IRGM: variants seen among roughly 807,000 people sequenced by gnomAD.
IRGM encodes the protein immunity-related GTPase family M protein.
For synonymous variants in IRGM, 98 were observed against 80.6 expected (o/e 1.22, Z -1.16); for missense variants, 288 against 219.9 (o/e 1.31, Z -1.96).
downstream of IRGM, among the ~76,000 whole-genome samples, chr5:150,850,036 G>T (rs866441523): frequency 6.6e-6 from 1 of 152,130 alleles, no homozygotes; most frequent in Admixed American, 6.5e-5. Context: ...TCAGAGAGAT[G>T]CCTGTATAGA....
At chr5:150,867,447 G>T (rs561596391) in intron 1 of IRGM, among the ~76,000 whole-genome samples, 1 of 152,198 alleles carries the variant, frequency 6.6e-6, no homozygotes, top group East Asian at 1.9e-4. Context: ...ACATGCATCT[G>T]CAAGTGTCTT....
At chr5:150,898,122 T>A in intron 3 of IRGM, 3 of 1,613,700 alleles carry the variant, frequency 1.9e-6, no homozygotes, top group Non-Finnish European at 2.5e-6. Flanking sequence ...TCTCCCTTTA[T>A]GATCCATGGC....
chr5:150,849,933 AGATAAG>A (rs1264074800), downstream of IRGM, among the ~76,000 whole-genome samples: 1 of 152,168 alleles, frequency 6.6e-6, no homozygotes, highest in Non-Finnish European at 1.5e-5. Flanking sequence ...GTGACATGCT[AGATAAG>A]GATACAGAAA....
At chr5:150,895,763 G>T (rs1754742168) in intron 3 of IRGM, 4 of 1,613,424 alleles carry the variant, frequency 2.5e-6, no homozygotes, top group African/African-American at 1.3e-5. Flanking sequence ...TACATTTATA[G>T]GGTTTTTCTC....
chr5:150,887,628 C>A, intron 3 of IRGM, among the ~76,000 whole-genome samples: 1 of 144,746 alleles, frequency 6.9e-6, no homozygotes, highest in Non-Finnish European at 1.5e-5. Context: ...CACCAAGACC[C>A]ATAATTGTCA....
At chr5:150,885,312 C>G (rs182399092) in intron 3 of IRGM, among the ~76,000 whole-genome samples, 1 of 151,568 alleles carries the variant, frequency 6.6e-6, no homozygotes, top group Admixed American at 6.6e-5. Context: ...ATTTTGGTTA[C>G]TGCAGCACTG....
intron 3 of IRGM, among the ~76,000 whole-genome samples, chr5:150,894,092 G>C (rs1754667605): frequency 1.3e-5 from 2 of 152,028 alleles, no homozygotes; most frequent in Admixed American, 6.6e-5. Context: ...AAGCAGGAAG[G>C]GGATCAAGTG....
At chr5:150,860,394 A>G (rs183105595) in intron 1 of IRGM, among the ~76,000 whole-genome samples, 2 of 152,340 alleles carry the variant, frequency 1.3e-5, no homozygotes, top group Non-Finnish European at 2.9e-5. Flanking sequence ...TTCTCTTTCT[A>G]AACCTGTGGG....
intron 1 of IRGM, among the ~76,000 whole-genome samples, chr5:150,876,092 C>G (rs1754358473): frequency 6.6e-6 from 1 of 152,230 alleles, no homozygotes; most frequent in South Asian, 2.1e-4. Context: ...ATGGAATTCA[C>G]TGGTCTTACC....
intron 1 of IRGM, among the ~76,000 whole-genome samples, chr5:150,869,859 A>G (rs1754258351): frequency 1.3e-5 from 2 of 152,190 alleles, no homozygotes; most frequent in African/African-American, 4.8e-5. Context: ...GTATAGTTGT[A>G]AGAGGATCAG....
At chr5:150,883,235 C>T (rs933798431) in intron 3 of IRGM, among the ~76,000 whole-genome samples, 1 of 151,828 alleles carries the variant, frequency 6.6e-6, no homozygotes, top group Non-Finnish European at 1.5e-5. Flanking sequence ...CTAAATAATA[C>T]TCTATTGCGC....
At chr5:150,890,488 C>A (rs1031591156) in intron 3 of IRGM, among the ~76,000 whole-genome samples, 1 of 151,814 alleles carries the variant, frequency 6.6e-6, no homozygotes, top group African/African-American at 2.4e-5. Context: ...TGCTTTGAAC[C>A]AATCATTCTG....
intron 3 of IRGM, among the ~76,000 whole-genome samples, chr5:150,886,788 T>C (rs1754531322): frequency 6.6e-6 from 1 of 152,008 alleles, no homozygotes; most frequent in South Asian, 2.1e-4. Context: ...TGATGTTTCC[T>C]CTTTTTTTCT....
At chr5:150,873,367 A>C (rs1442051426) in intron 1 of IRGM, among the ~76,000 whole-genome samples, 1 of 152,170 alleles carries the variant, frequency 6.6e-6, no homozygotes, top group Non-Finnish European at 1.5e-5. Context: ...AATGAAGAGG[A>C]GGCCAGGTCC....
chr5:150,873,929 A>G (rs1391658274), intron 1 of IRGM, among the ~76,000 whole-genome samples: 1 of 152,240 alleles, frequency 6.6e-6, no homozygotes, highest in Non-Finnish European at 1.5e-5. Context: ...ACTACATCCC[A>G]GTTCAACTCT....
intron 3 of IRGM, among the ~76,000 whole-genome samples, chr5:150,889,902 T>A (rs1334263845): frequency 2.0e-5 from 3 of 152,134 alleles, no homozygotes; most frequent in Non-Finnish European, 2.9e-5. Flanking sequence ...TGATGTATTA[T>A]CCTTTTTATA....
At chr5:150,849,350 A>G (rs1753938571), downstream of IRGM, among the ~76,000 whole-genome samples, 1 of 107,562 alleles carries the variant, frequency 9.3e-6, no homozygotes, top group South Asian at 3.3e-4. Context: ...AATATCTTTA[A>G]CTAACGAAGG....
At chr5:150,895,526 A>T in intron 3 of IRGM, 1 of 1,613,600 alleles carries the variant, frequency 6.2e-7, no homozygotes, top group Non-Finnish European at 8.5e-7. Context: ...TTTCCCCAGT[A>T]TGAATCCTCT....
intron 3 of IRGM, chr5:150,896,925 A>G: frequency 6.2e-7 from 1 of 1,613,294 alleles, no homozygotes; most frequent in Non-Finnish European, 8.5e-7. Flanking sequence ...ATGGAAGGAA[A>G]CTGTCCCCAA....
Sources: allele counts gnomAD v4.1 joint callset (sites outside exome capture counted in the v4.1 genomes callset), GRCh38; gene constraint gnomAD v4.1.1; transcripts MANE v1.5; gene names NCBI Gene and HGNC (gene_info 2026-07-23, HGNC 2026-07-21).